ACTR3C: variants seen among roughly 807,000 people sequenced by gnomAD.
ACTR3C encodes actin-related protein 3C.
In ACTR3C, 18 loss-of-function variants were observed where a neutral mutation model predicts 26.3. The ratio of observed to expected loss-of-function variants is 0.68; its 90% confidence interval spans 0.47 to 1.01. The LOEUF (loss-of-function observed/expected upper bound fraction) is 1.01. Among genes scored for constraint, ACTR3C ranks in the 50% least tolerant of loss-of-function variants. The pLI is 0.00. For synonymous variants in ACTR3C, 55 were observed against 94.5 expected (o/e 0.58, Z 2.42); for missense variants, 184 against 250.7 (o/e 0.73, Z 1.80).
the ACTR3C span, among the ~76,000 whole-genome samples, chr7:150,157,675 A>G: frequency 6.6e-6 from 1 of 152,206 alleles, no homozygotes; most frequent in African/African-American, 2.4e-5. Context: ...AGTTCCTCCA[A>G]CTCAAACATT....
the ACTR3C span, among the ~76,000 whole-genome samples, chr7:150,006,267 G>A: frequency 6.8e-6 from 1 of 147,650 alleles, no homozygotes; most frequent in Non-Finnish European, 1.5e-5. Context: ...CGCAATCTCG[G>A]CTCACTGCAA....
At chr7:150,003,492 G>A in the ACTR3C span, among the ~76,000 whole-genome samples, 1 of 152,266 alleles carries the variant, frequency 6.6e-6, no homozygotes, top group Non-Finnish European at 1.5e-5. Flanking sequence ...GATGTGGTAT[G>A]TAGGATGTGT....
At chr7:149,907,514 C>CTCTCTCTCTCTCTCT in the ACTR3C span, among the ~76,000 whole-genome samples, 4 of 149,748 alleles carry the variant, frequency 2.7e-5, no homozygotes, top group Non-Finnish European at 5.9e-5. Context: ...CTCTCTCTCT[C>CTCTCTCTCTCTCTCT]AACAAACTCA....
chr7:150,001,971 C>T, the ACTR3C span: 1 of 152,246 alleles, frequency 6.6e-6, no homozygotes, highest in Non-Finnish European at 1.5e-5. Flanking sequence ...TGGGTCCTCA[C>T]CAACTTACTC....
chr7:150,109,845 C>A, the ACTR3C span, among the ~76,000 whole-genome samples: 2 of 144,368 alleles, frequency 1.4e-5, 1 homozygote, highest in African/African-American at 5.4e-5. Context: ...CTTCCCAAAG[C>A]TCAATAAACT....
the ACTR3C span, among the ~76,000 whole-genome samples, chr7:149,979,071 C>T: frequency 4.6e-5 from 7 of 152,260 alleles, no homozygotes; most frequent in Admixed American, 4.6e-4. Context: ...ACCTGCATCT[C>T]CTACATCCTA....
At chr7:150,020,970 G>A in the ACTR3C span, among the ~76,000 whole-genome samples, 2 of 151,862 alleles carry the variant, frequency 1.3e-5, no homozygotes, top group Admixed American at 6.6e-5. Context: ...ACAGGCACCC[G>A]CCACCGTGCA....
At chr7:150,038,117 A>AG in the ACTR3C span, among the ~76,000 whole-genome samples, 5 of 141,468 alleles carry the variant, frequency 3.5e-5, 1 homozygote, top group Non-Finnish European at 7.8e-5. Flanking sequence ...CCCAAGAGCC[A>AG]GGGGGGAAGA....
the ACTR3C span, chr7:150,000,937 TCTC>T: frequency 1.3e-5 from 2 of 149,484 alleles, no homozygotes; most frequent in African/African-American, 4.9e-5. Flanking sequence ...TCCAACAAGC[TCTC>T]CTCCAGGACG....
the ACTR3C span, among the ~76,000 whole-genome samples, chr7:149,981,065 T>C: frequency 6.6e-6 from 1 of 152,000 alleles, no homozygotes; most frequent in East Asian, 1.9e-4. Flanking sequence ...ATAACTTCTG[T>C]AAGTTTGTAG....
At chr7:150,124,003 C>T in the ACTR3C span, among the ~76,000 whole-genome samples, 1 of 152,264 alleles carries the variant, frequency 6.6e-6, no homozygotes, top group African/African-American at 2.4e-5. Flanking sequence ...TAGGATCATG[C>T]CTCCCCTGAC....
At chr7:150,082,956 T>C in the ACTR3C span, among the ~76,000 whole-genome samples, 20 of 142,984 alleles carry the variant, frequency 1.4e-4, no homozygotes, top group Middle Eastern at 3.5e-3. Context: ...TCTTTTTTTT[T>C]TTTTTTCAGG....
the ACTR3C span, among the ~76,000 whole-genome samples, chr7:150,017,154 C>G: frequency 1.1e-4 from 16 of 151,952 alleles, no homozygotes; most frequent in Non-Finnish European, 2.2e-4. Context: ...CAGCCCACTT[C>G]CCACTGTGGG....
At chr7:149,927,105 C>T in the ACTR3C span, among the ~76,000 whole-genome samples, 1 of 151,610 alleles carries the variant, frequency 6.6e-6, no homozygotes, top group African/African-American at 2.4e-5. Flanking sequence ...TTTTACCGAA[C>T]TGGTCTCAAG....
the ACTR3C span, among the ~76,000 whole-genome samples, chr7:149,982,982 T>C: frequency 6.6e-6 from 1 of 152,202 alleles, no homozygotes; most frequent in Non-Finnish European, 1.5e-5. Flanking sequence ...GAAAAGCGTT[T>C]AACTTTTCAC....
At chr7:150,314,197 G>A (rs986888483) in intron 1 of ACTR3C, among the ~76,000 whole-genome samples, 9 of 152,240 alleles carry the variant, frequency 5.9e-5, no homozygotes. Flanking sequence ...ACTGTGGCAG[G>A]AGCCGAAGGG....
At chr7:149,952,913 A>G in the ACTR3C span, among the ~76,000 whole-genome samples, 1,316 of 152,158 alleles carry the variant, frequency 8.6e-3, 20 homozygotes, top group African/African-American at 0.03. Flanking sequence ...AACACACCTC[A>G]TATGTATTAA....
chr7:149,984,322 G>A, the ACTR3C span, among the ~76,000 whole-genome samples: 4 of 151,912 alleles, frequency 2.6e-5, no homozygotes, highest in Admixed American at 2.0e-4. Context: ...TCCTGCCTCA[G>A]CCTCCTGAGG....
the ACTR3C span, among the ~76,000 whole-genome samples, chr7:149,954,459 T>C: frequency 6.6e-6 from 1 of 152,206 alleles, no homozygotes; most frequent in African/African-American, 2.4e-5. Context: ...GGGGGACATA[T>C]TATAAACAGT....
Sources: allele counts gnomAD v4.1 joint callset (sites outside exome capture counted in the v4.1 genomes callset), GRCh38; gene constraint gnomAD v4.1.1; transcripts MANE v1.5; gene names NCBI Gene and HGNC (gene_info 2026-07-23, HGNC 2026-07-21).